Variants in HHAT observed in about 807,000 individuals in gnomAD.
HHAT encodes protein-cysteine N-palmitoyltransferase HHAT.
In HHAT, 47 loss-of-function variants were observed where a neutral mutation model predicts 70.8. The ratio of observed to expected loss-of-function variants is 0.66; its 90% CI spans 0.53 to 0.85. The LOEUF (loss-of-function observed/expected upper bound fraction) is 0.85, where lower values mean the gene tolerates loss of function less well. HHAT is among the 40% of genes least tolerant of loss of function. The pLI, the probability that HHAT is intolerant of heterozygous loss-of-function variation, is 0.00. For synonymous variants in HHAT, 228 were observed against 247.6 expected (o/e 0.92, Z 0.74); for missense variants, 609 against 604.8 (o/e 1.01, Z -0.07).
intron 9 of HHAT, among the ~76,000 whole-genome samples, chr1:210,524,289 G>A (rs2095211935): frequency 6.6e-6 from 1 of 152,168 alleles, no homozygotes; most frequent in Non-Finnish European, 1.5e-5. Context: ...AAGAACCCAA[G>A]TAAGCAAGCA....
chr1:210,509,724 G>C (rs2094922494), intron 8 of HHAT, among the ~76,000 whole-genome samples: 1 of 152,138 alleles, frequency 6.6e-6, no homozygotes, highest in African/African-American at 2.4e-5. Flanking sequence ...GTGCCTGCAT[G>C]GTGAGAAACT....
intron 4 of HHAT, among the ~76,000 whole-genome samples, chr1:210,393,485 C>T (rs1003196596): frequency 6.6e-6 from 1 of 152,126 alleles, no homozygotes; most frequent in Non-Finnish European, 1.5e-5. Flanking sequence ...CTCTTCTGTA[C>T]CTGATGTTGT....
At chr1:210,585,117 T>C (rs1660143421) in intron 9 of HHAT, among the ~76,000 whole-genome samples, 1 of 149,888 alleles carries the variant, frequency 6.7e-6, no homozygotes, top group Non-Finnish European at 1.5e-5. Flanking sequence ...ACTTTAAAAA[T>C]TAGCCCAGGG....
At chr1:210,549,095 C>A (rs2148678148) in intron 9 of HHAT, among the ~76,000 whole-genome samples, 1 of 152,298 alleles carries the variant, frequency 6.6e-6, no homozygotes. Flanking sequence ...TCTCTCTGTG[C>A]CTCAGTTTGC....
intron 8 of HHAT, among the ~76,000 whole-genome samples, chr1:210,468,554 T>G (rs2094146378): frequency 6.6e-6 from 1 of 152,138 alleles, no homozygotes; most frequent in South Asian, 2.1e-4. Flanking sequence ...AGGCTGAGAA[T>G]GAGGAGGAAT....
At chr1:210,337,361 G>A (rs1159869358) in intron 1 of HHAT, among the ~76,000 whole-genome samples, 1 of 152,100 alleles carries the variant, frequency 6.6e-6, no homozygotes, top group African/African-American at 2.4e-5. Flanking sequence ...CTGAGGGCAG[G>A]GATGGCATAT....
intron 10 of HHAT, among the ~76,000 whole-genome samples, chr1:210,618,903 T>C (rs146192630): frequency 6.6e-6 from 1 of 152,178 alleles, no homozygotes; most frequent in South Asian, 2.1e-4. Flanking sequence ...GACGTAAGTT[T>C]AGTTTAGCCC....
intron 9 of HHAT, among the ~76,000 whole-genome samples, chr1:210,514,270 T>G (rs551117338): frequency 6.6e-6 from 1 of 152,278 alleles, no homozygotes; most frequent in South Asian, 2.1e-4. Context: ...TCCCCCATAC[T>G]CAAGGAATAA....
rs530777680 is a variant in HHAT, at chr1:210,397,434, C to T, written c.274-3034C>T. Among the ~76,000 whole-genome samples the T allele has an allele frequency of 2.0e-5, 3 of 152,038 alleles. No individual in the cohort carries two copies. In the East Asian group the frequency reaches 5.8e-4, roughly 29 times the overall value. ...GGTTTTTAAACTTGAGTTTGACGTA[C>T]AGTATGTGTGTGACCAAATCTTGTA... On this transcript the variant is annotated intron_variant, in intron 4 of 11. Coordinates refer to ENST00000261458, the MANE Select transcript of HHAT (RefSeq NM_018194.6).
At chr1:210,361,214 T>TTCAG (rs764950825) in intron 2 of HHAT, among the ~76,000 whole-genome samples, 27 of 152,384 alleles carry the variant, frequency 1.8e-4, no homozygotes, top group Non-Finnish European at 3.5e-4. Flanking sequence ...CCTTAATGAA[T>TTCAG]TCAGAGGTTT....
At chr1:210,378,890 T>C (rs2090427741) in intron 3 of HHAT, among the ~76,000 whole-genome samples, 1 of 152,256 alleles carries the variant, frequency 6.6e-6, no homozygotes, top group Admixed American at 6.5e-5. Context: ...GCTTTTGTTA[T>C]AAAGCTGGAG....
At chr1:210,471,927 A>C (rs1216559665) in intron 8 of HHAT, among the ~76,000 whole-genome samples, 3 of 152,124 alleles carry the variant, frequency 2.0e-5, no homozygotes, top group Admixed American at 1.3e-4. Flanking sequence ...TCTTGAATTT[A>C]CTCCTTCTAA....
chr1:210,642,560 G>A (rs930478910), intron 11 of HHAT, among the ~76,000 whole-genome samples: 1 of 152,080 alleles, frequency 6.6e-6, no homozygotes, highest in East Asian at 1.9e-4. Flanking sequence ...GGTGTGTTTG[G>A]CATCTCATCA....
chr1:210,458,481 T>C (rs540199749), intron 7 of HHAT, among the ~76,000 whole-genome samples: 53 of 152,338 alleles, frequency 3.5e-4, no homozygotes, highest in Admixed American at 2.9e-3. Context: ...GAAAGTACCA[T>C]GTGACTATTT....
intron 7 of HHAT, among the ~76,000 whole-genome samples, chr1:210,440,675 T>C (rs2093484914): frequency 6.6e-6 from 1 of 151,844 alleles, no homozygotes; most frequent in Admixed American, 6.5e-5. Context: ...AGTGGTTGCT[T>C]CTTTCCAGGT....
intron 9 of HHAT, among the ~76,000 whole-genome samples, chr1:210,514,250 CT>C (rs1377851944): frequency 1.1e-4 from 16 of 152,336 alleles, no homozygotes; most frequent in African/African-American, 3.6e-4. Flanking sequence ...ACAATGAAAT[CT>C]CCTCGGCCTC....
chr1:210,369,078 C>T (rs917401165), intron 3 of HHAT, among the ~76,000 whole-genome samples: 12 of 147,842 alleles, frequency 8.1e-5, no homozygotes, highest in African/African-American at 3.0e-4. Flanking sequence ...AACTCTGTCT[C>T]AAAAAAAAGA....
intron 9 of HHAT, among the ~76,000 whole-genome samples, chr1:210,535,423 T>G (rs1479450016): frequency 7.8e-5 from 11 of 140,818 alleles, no homozygotes; most frequent in Admixed American, 5.9e-4. Flanking sequence ...CTGGGAAACA[T>G]TGTGTGTTTG....
chr1:210,654,182 GAT>G (rs1461370953), intron 11 of HHAT, among the ~76,000 whole-genome samples: 1 of 150,716 alleles, frequency 6.6e-6, no homozygotes. Flanking sequence ...AGAATAGTGT[GAT>G]GGCGGAATAG....
Sources: gnomAD v4.1 joint callset for allele counts (sites outside exome capture counted in the v4.1 genomes callset) on GRCh38, gnomAD v4.1.1 for gene constraint, MANE v1.5 for transcripts, NCBI Gene and HGNC (gene_info 2026-07-23, HGNC 2026-07-21) for gene names.